The following PCDHGB2 variants were observed in gnomAD, a reference collection of about 807,000 sequenced individuals.
PCDHGB2 encodes protocadherin gamma subfamily B, 2.
Under a neutral mutation model 59.3 loss-of-function variants are expected in PCDHGB2, and 55 were observed. That is an observed-to-expected ratio of 0.93 (90% CI 0.75 to 1.16). PCDHGB2 has a LOEUF of 1.16. Ranked by LOEUF, PCDHGB2 falls within the 50% of genes most tolerant of loss-of-function variation. The pLI is 0.00. For missense variants in PCDHGB2, 1,228 were observed against 1,198.5 expected, an observed-to-expected ratio of 1.02 and a Z score of -0.36; for synonymous variants, 516 against 512.0, an observed-to-expected ratio of 1.01 and a Z score of -0.11.
intron 1 of PCDHGB2, chr5:141,413,440 A>G (rs4912751): frequency 0.46 from 738,760 of 1,613,878 alleles, 177,316 homozygotes; most frequent in African/African-American, 0.83. Flanking sequence ...CGGCAGCTTG[A>G]TCACCGCGGG....
In PCDHGB2 at chr5:141,512,443, CCTT is replaced by C. The variant is rs1263805618; in HGVS notation, c.*1272_*1274del. On this transcript the variant is annotated 3_prime_UTR_variant, in exon 4 of 4. Coordinates refer to ENST00000522605, the MANE Select transcript of PCDHGB2 (RefSeq NM_018923.3). ...GCCCCTGCCCTCCTGAAGCCTCAGT[CCTT>C]CACCTTGCCAGGTGCCGTTTCTCTT... The C allele has an allele frequency of 1.3e-5, 2 of 152,896 alleles. No homozygotes were observed. The highest frequency in any genetic ancestry group is 4.8e-5 in the African/African-American group (2 of 41,468). 9.5% of individuals were successfully genotyped at this position (152,896 alleles called of 1,614,324 possible).
Position 141,490,369 on chromosome 5 carries a change from C to T in PCDHGB2, c.2422-4438C>T, listed in dbSNP as rs201347968. On this transcript the variant is annotated intron_variant, in intron 1 of 3. Transcript: ENST00000522605. This position sits in a 1 kb window ranked among gnomAD's most constrained non-coding sequence, Gnocchi z 5.4. ...AGTGGGGTTGTTTAATGTGCGAGAC[C>T]GGGACTCAGGTAGAAATGGTGAAGT... The T allele has an allele frequency of 4.0e-5, 64 of 1,614,090 alleles. No individual in the cohort carries two copies. In the Admixed American group the frequency reaches 6.0e-4, roughly 15 times the overall value.
At chr5:141,366,244 C>A in intron 1 of PCDHGB2, 1 of 1,613,770 alleles carries the variant, frequency 6.2e-7, no homozygotes, top group Non-Finnish European at 8.5e-7. Flanking sequence ...GAGACGCGCT[C>A]AAGCAGAGCC....
At chr5:141,464,748 T>C (rs995568259) in intron 1 of PCDHGB2, among the ~76,000 whole-genome samples, 2 of 152,190 alleles carry the variant, frequency 1.3e-5, no homozygotes, top group Admixed American at 1.3e-4. Context: ...TATCTTTTTG[T>C]TTTTTTAGAG....
intron 1 of PCDHGB2, among the ~76,000 whole-genome samples, chr5:141,482,799 C>T (rs933003208): frequency 6.6e-6 from 1 of 152,086 alleles, no homozygotes; most frequent in Non-Finnish European, 1.5e-5. Flanking sequence ...TGGCCGGGTA[C>T]GGTGGCTCAT....
Position 141,486,494 on chromosome 5 carries a change from A to G in PCDHGB2, c.2422-8313A>G, listed in dbSNP as rs375607204. 9.3e-6 allele frequency: 15 copies of G among 1,614,058 alleles called. No individual in the cohort carries two copies. The highest frequency in any genetic ancestry group is 1.3e-5 in the Non-Finnish European group (15 of 1,179,958). ...CCCTCCTCTCAGTACCCACAGAACT[A>G]TTTTCCTCAATATTTCAGATGTGAA... On this transcript the variant is annotated intron_variant, in intron 1 of 3. Transcript: ENST00000522605. The surrounding 1 kb of genome is among the most constrained non-coding windows in gnomAD (Gnocchi z 5.0).
At chr5:141,414,134 A>T in intron 1 of PCDHGB2, 1 of 1,595,028 alleles carries the variant, frequency 6.3e-7, no homozygotes, top group South Asian at 1.1e-5. Flanking sequence ...GGTTTCTATG[A>T]AATAGAAATA....
intron 1 of PCDHGB2, chr5:141,384,604 A>G (rs762562769): frequency 3.1e-6 from 5 of 1,613,896 alleles, no homozygotes; most frequent in South Asian, 2.2e-5. Context: ...GGCCCTCCCC[A>G]CAGATGGTTC....
At chr5:141,454,665 CA>C (rs2098795764) in intron 1 of PCDHGB2, among the ~76,000 whole-genome samples, 3 of 152,058 alleles carry the variant, frequency 2.0e-5, no homozygotes, top group Non-Finnish European at 4.4e-5. Flanking sequence ...CTCGGCCTCC[CA>C]AAACACTGGG....
In PCDHGB2 at chr5:141,388,603, C is replaced by T. The variant is rs558931275; in HGVS notation, c.2421+26047C>T. The T allele has an allele frequency of 6.9e-5, 111 of 1,613,860 alleles. 1 individual carries two copies. The South Asian group carries it at 1.2e-3, about 18-fold the overall frequency. ...GTGACTGATGCCAATGATAATGCTCCAGTGTTCAGTCAAGACGTATACAGG... is the reference window on the plus strand; with the variant it reads ...GTGACTGATGCCAATGATAATGCTCTAGTGTTCAGTCAAGACGTATACAGG... On this transcript the variant is annotated intron_variant, in intron 1 of 3. Transcript: ENST00000522605.
chr5:141,384,356 A>G, intron 1 of PCDHGB2: 3 of 1,613,862 alleles, frequency 1.9e-6, no homozygotes, highest in Non-Finnish European at 1.7e-6. Flanking sequence ...GATAATGCCC[A>G]GATCACTTAT....
intron 1 of PCDHGB2, chr5:141,393,367 G>C: frequency 1.2e-6 from 2 of 1,613,962 alleles, no homozygotes; most frequent in Middle Eastern, 1.6e-4. Context: ...GTGCAGACTG[G>C]AGACAATGGA....
rs572892456 is a variant in PCDHGB2, at chr5:141,427,959, C to T, written c.2421+65403C>T. On this transcript the variant is annotated intron_variant, in intron 1 of 3. Coordinates refer to ENST00000522605, the MANE Select transcript of PCDHGB2 (RefSeq NM_018923.3). Reference sequence around the variant, plus strand: ...GGGCGACCTCAATGACAATGTGCCGCGGGTGCTGTACCCCGCGCTGGGGCC... The same window carrying T: ...GGGCGACCTCAATGACAATGTGCCGTGGGTGCTGTACCCCGCGCTGGGGCC... 3.8e-6 allele frequency: 6 copies of T among 1,588,886 alleles called. No individual in the cohort carries two copies. The East Asian group carries it at 1.1e-4, about 30-fold the overall frequency.
chr5:141,418,478 G>C (rs777772131), intron 1 of PCDHGB2: 1 of 1,613,976 alleles, frequency 6.2e-7, no homozygotes, highest in Non-Finnish European at 8.5e-7. Context: ...AACGCAGAGC[G>C]CTCACCACTT....
intron 1 of PCDHGB2, among the ~76,000 whole-genome samples, chr5:141,457,517 TTAA>T (rs1261688593): frequency 6.6e-6 from 1 of 152,196 alleles, no homozygotes; most frequent in Non-Finnish European, 1.5e-5. Flanking sequence ...TTAAAAACAA[TTAA>T]TGAGACTAGG....
intron 1 of PCDHGB2, chr5:141,366,661 C>A (rs976652914): frequency 1.2e-6 from 2 of 1,614,268 alleles, no homozygotes; most frequent in Admixed American, 3.3e-5. Flanking sequence ...ACTACGCAGA[C>A]ACGCTCCTTA....
In PCDHGB2 at chr5:141,432,220, C is replaced by A. The variant is rs949257429; in HGVS notation, c.2422-62587C>A. ...CCGACTGTGAAGAGAACGCCCAGAT[C>A]ACTTATTCCCTGGCTGAGAACACCA... On this transcript the variant is annotated intron_variant, in intron 1 of 3. Coordinates refer to ENST00000522605, the MANE Select transcript of PCDHGB2 (RefSeq NM_018923.3). This position sits in a 1 kb window ranked among gnomAD's most constrained non-coding sequence, Gnocchi z 6.0. The A allele has an allele frequency of 2.5e-6, 4 of 1,614,246 alleles. No homozygotes were observed. The highest frequency in any genetic ancestry group is 1.6e-4 in the Middle Eastern group (1 of 6,062).
intron 1 of PCDHGB2, chr5:141,371,392 T>A (rs1767716213): frequency 6.2e-7 from 1 of 1,613,846 alleles, no homozygotes; most frequent in African/African-American, 1.3e-5. Flanking sequence ...TATTGTAAAG[T>A]ACAGATAGAT....
intron 1 of PCDHGB2, among the ~76,000 whole-genome samples, chr5:141,443,771 A>G (rs1031470429): frequency 9.2e-5 from 14 of 152,238 alleles, no homozygotes; most frequent in African/African-American, 3.1e-4. Context: ...ATACAATATT[A>G]CCAAAAAGAC....
Sources: gnomAD v4.1 joint callset for allele counts (sites outside exome capture counted in the v4.1 genomes callset) on GRCh38, gnomAD v4.1.1 for gene constraint, Gnocchi (gnomAD v3.1) non-coding constraint, MANE v1.5 for transcripts, NCBI Gene and HGNC (gene_info 2026-07-23, HGNC 2026-07-21) for gene names.